TRABD2B: variants seen among roughly 807,000 people sequenced by gnomAD.
TRABD2B encodes the protein TraB domain containing 2B, also known as metalloprotease TIKI2.
In TRABD2B, 14 loss-of-function variants were observed where a neutral mutation model predicts 40.1. The observed-to-expected ratio is 0.35, with a 90% CI of 0.23 to 0.55. The LOEUF (loss-of-function observed/expected upper bound fraction) is 0.55, where lower values mean the gene tolerates loss of function less well. Among genes scored for constraint, TRABD2B ranks in the 20% least tolerant of loss-of-function variants. The pLI is 0.90. For synonymous variants in TRABD2B, 263 were observed against 277.0 expected, an observed-to-expected ratio of 0.95 and a Z score of 0.50; for missense variants, 541 against 648.6, an observed-to-expected ratio of 0.83 and a Z score of 1.80.
intron 4 of TRABD2B, among the ~76,000 whole-genome samples, chr1:47,784,907 T>G (rs572427242): frequency 8.7e-4 from 132 of 152,124 alleles, no homozygotes; most frequent in African/African-American, 3.1e-3. Context: ...GGTCACGGTA[T>G]GGAGAGGGGG....
intron 2 of TRABD2B, among the ~76,000 whole-genome samples, chr1:47,937,370 C>T (rs564670367): frequency 1.3e-5 from 2 of 151,446 alleles, no homozygotes; most frequent in Non-Finnish European, 2.9e-5. Context: ...TCATGATCAT[C>T]ATCATCACCA....
At chr1:47,797,882 G>T (rs765042633) in intron 3 of TRABD2B, among the ~76,000 whole-genome samples, 3 of 152,226 alleles carry the variant, frequency 2.0e-5, no homozygotes, top group Non-Finnish European at 2.9e-5. Context: ...TGGTTGGACA[G>T]GGCTGGGGTG....
At chr1:47,861,248 C>G (rs982773469) in intron 2 of TRABD2B, among the ~76,000 whole-genome samples, 1 of 151,564 alleles carries the variant, frequency 6.6e-6, no homozygotes, top group Non-Finnish European at 1.5e-5. Context: ...TCAGCAACAC[C>G]TAGAAGGCAT....
At chr1:47,825,611 G>C (rs967656435) in intron 2 of TRABD2B, among the ~76,000 whole-genome samples, 1 of 152,222 alleles carries the variant, frequency 6.6e-6, no homozygotes, top group Non-Finnish European at 1.5e-5. Context: ...CCTTGGCACA[G>C]TTCCCAAAAC....
At chr1:47,883,913 C>T (rs1393631142) in intron 2 of TRABD2B, among the ~76,000 whole-genome samples, 1 of 152,148 alleles carries the variant, frequency 6.6e-6, no homozygotes, top group Non-Finnish European at 1.5e-5. Context: ...CTCTGAGGTT[C>T]CTGAGCCATG....
intron 1 of TRABD2B, among the ~76,000 whole-genome samples, chr1:47,995,803 T>C (rs1201553145): frequency 2.0e-5 from 3 of 152,192 alleles, no homozygotes; most frequent in Non-Finnish European, 4.4e-5. Context: ...GGCGATAGAC[T>C]GAGAGCCCAG....
chr1:47,940,965 A>G (rs1645178618), intron 2 of TRABD2B, among the ~76,000 whole-genome samples: 1 of 152,196 alleles, frequency 6.6e-6, no homozygotes, highest in Non-Finnish European at 1.5e-5. Context: ...GAAGAGCAGT[A>G]GGGCCATATG....
intron 2 of TRABD2B, among the ~76,000 whole-genome samples, chr1:47,939,518 C>T (rs1645157780): frequency 6.6e-6 from 1 of 152,174 alleles, no homozygotes; most frequent in Non-Finnish European, 1.5e-5. Flanking sequence ...TCTGTTCTGT[C>T]TGAGTTCTCT....
At chr1:47,838,783 C>T (rs533779433) in intron 2 of TRABD2B, among the ~76,000 whole-genome samples, 8 of 152,284 alleles carry the variant, frequency 5.3e-5, no homozygotes, top group Non-Finnish European at 8.8e-5. Flanking sequence ...TACTGAGGGC[C>T]ACACAGCAGA....
intron 2 of TRABD2B, among the ~76,000 whole-genome samples, chr1:47,814,036 A>T (rs1039115830): frequency 1.9e-4 from 29 of 152,280 alleles, no homozygotes; most frequent in African/African-American, 7.0e-4. Context: ...GGGGACCACA[A>T]ACAGGATTCC....
At chr1:47,843,377 T>C (rs1238296054) in intron 2 of TRABD2B, among the ~76,000 whole-genome samples, 3 of 152,030 alleles carry the variant, frequency 2.0e-5, no homozygotes, top group Non-Finnish European at 4.4e-5. Context: ...GTAGAGCCAA[T>C]AGGGTCTGCT....
At chr1:47,921,442 C>G (rs1644900626) in intron 2 of TRABD2B, among the ~76,000 whole-genome samples, 1 of 152,176 alleles carries the variant, frequency 6.6e-6, no homozygotes, top group Non-Finnish European at 1.5e-5. Context: ...CAAAGGGTCT[C>G]CAGACTGTGA....
chr1:47,867,474 G>A (rs1290307769), intron 2 of TRABD2B, among the ~76,000 whole-genome samples: 2 of 152,184 alleles, frequency 1.3e-5, no homozygotes, highest in Non-Finnish European at 2.9e-5. Context: ...AGCATTACAT[G>A]CGCTGGCTTC....
chr1:47,995,503 T>C (rs1401783678), intron 1 of TRABD2B, among the ~76,000 whole-genome samples: 5 of 57,066 alleles, frequency 8.8e-5, no homozygotes, highest in African/African-American at 4.6e-4. Flanking sequence ...TGTGTGTGCG[T>C]GTGTGTGTGT....
intron 2 of TRABD2B, among the ~76,000 whole-genome samples, chr1:47,871,150 T>C (rs1199228219): frequency 6.6e-6 from 1 of 152,108 alleles, no homozygotes; most frequent in Non-Finnish European, 1.5e-5. Context: ...CATTTTACAG[T>C]TAAGGAAACT....
intron 2 of TRABD2B, among the ~76,000 whole-genome samples, chr1:47,831,660 G>A (rs1361520041): frequency 6.6e-6 from 1 of 152,174 alleles, no homozygotes; most frequent in African/African-American, 2.4e-5. Context: ...CAATTCGAAA[G>A]TCGAAGCCGT....
intron 2 of TRABD2B, among the ~76,000 whole-genome samples, chr1:47,941,304 C>T (rs1645184689): frequency 6.6e-6 from 1 of 152,176 alleles, no homozygotes; most frequent in African/African-American, 2.4e-5. Flanking sequence ...CAGACCCCAT[C>T]CTGATAAGCA....
intron 4 of TRABD2B, among the ~76,000 whole-genome samples, chr1:47,791,411 A>G (rs1644670121): frequency 6.6e-6 from 1 of 152,198 alleles, no homozygotes; most frequent in Non-Finnish European, 1.5e-5. Flanking sequence ...CATGGACTCT[A>G]GGCTTGAGAG....
At chr1:47,941,697 G>T (rs1353956883) in intron 2 of TRABD2B, among the ~76,000 whole-genome samples, 1 of 152,234 alleles carries the variant, frequency 6.6e-6, no homozygotes, top group East Asian at 1.9e-4. Context: ...GATGAGCTAC[G>T]CTCACTTGCC....
Sources: allele counts gnomAD v4.1 joint callset (sites outside exome capture counted in the v4.1 genomes callset), GRCh38; gene constraint gnomAD v4.1.1; transcripts MANE v1.5; gene names NCBI Gene and HGNC (gene_info 2026-07-23, HGNC 2026-07-21).